HPSE2: variants seen among roughly 807,000 people sequenced by gnomAD.
The protein encoded by HPSE2 is inactive heparanase-2.
Under a neutral mutation model 60.5 loss-of-function variants are expected in HPSE2, and 38 were observed. The observed-to-expected ratio is 0.63, with a 90% CI of 0.48 to 0.82. The LOEUF (loss-of-function observed/expected upper bound fraction) is 0.82. Ranked by LOEUF, HPSE2 falls within the 40% of genes least tolerant of loss-of-function variation. The pLI is 0.00. For missense variants in HPSE2, 713 were observed against 740.4 expected, an observed-to-expected ratio of 0.96 and a Z score of 0.43; for synonymous variants, 295 against 293.2, an observed-to-expected ratio of 1.01 and a Z score of -0.06.
At chr10:99,252,750 G>A in the HPSE2 span, among the ~76,000 whole-genome samples, 515 of 152,020 alleles carry the variant, frequency 3.4e-3, 1 homozygote, top group African/African-American at 0.011. Context: ...GGTGGCGGGC[G>A]CCTGTAGTCC....
At chr10:99,147,919 T>A (rs1179755266) in intron 2 of HPSE2, among the ~76,000 whole-genome samples, 2 of 152,150 alleles carry the variant, frequency 1.3e-5, no homozygotes, top group Non-Finnish European at 2.9e-5. Flanking sequence ...GGTAAAGACA[T>A]GAACACAAAT....
chr10:98,863,896 C>T (rs550169500), intron 3 of HPSE2, among the ~76,000 whole-genome samples: 1 of 151,976 alleles, frequency 6.6e-6, no homozygotes, highest in Non-Finnish European at 1.5e-5. Context: ...TTATTATTCA[C>T]CATCATCATA....
intron 6 of HPSE2, among the ~76,000 whole-genome samples, chr10:98,655,480 C>A (rs1320684770): frequency 1.3e-5 from 2 of 152,180 alleles, no homozygotes; most frequent in Non-Finnish European, 2.9e-5. Flanking sequence ...TTGGTGGTAA[C>A]TGTGGATTCA....
chr10:99,308,887 T>C, the HPSE2 span, among the ~76,000 whole-genome samples: 1 of 152,224 alleles, frequency 6.6e-6, no homozygotes, highest in Non-Finnish European at 1.5e-5. Context: ...ATGAGTCAGA[T>C]GATGCTGATG....
At chr10:99,287,658 CT>C in the HPSE2 span, among the ~76,000 whole-genome samples, 1 of 152,182 alleles carries the variant, frequency 6.6e-6, no homozygotes, top group African/African-American at 2.4e-5. Flanking sequence ...ATCACACCAA[CT>C]TCAAACATTT....
intron 6 of HPSE2, among the ~76,000 whole-genome samples, chr10:98,662,198 G>A (rs1176604830): frequency 1.3e-5 from 2 of 152,098 alleles, no homozygotes; most frequent in Non-Finnish European, 2.9e-5. Context: ...TGGCCAAAAT[G>A]GAAGGAATCT....
At chr10:98,956,769 T>C (rs976343817) in intron 3 of HPSE2, among the ~76,000 whole-genome samples, 12 of 149,150 alleles carry the variant, frequency 8.0e-5, no homozygotes, top group African/African-American at 3.0e-4. Flanking sequence ...TTGGAAAATA[T>C]AGTTGCTCAG....
intron 3 of HPSE2, among the ~76,000 whole-genome samples, chr10:98,849,744 G>A (rs1190158310): frequency 6.6e-6 from 1 of 152,086 alleles, no homozygotes; most frequent in Non-Finnish European, 1.5e-5. Flanking sequence ...CCCTATTTAA[G>A]CTCCTCGATT....
At chr10:99,285,275 A>G in the HPSE2 span, among the ~76,000 whole-genome samples, 1 of 150,202 alleles carries the variant, frequency 6.7e-6, no homozygotes, top group African/African-American at 2.5e-5. Context: ...CAAAAAAAGG[A>G]AAAAAAAATT....
intron 3 of HPSE2, chr10:98,924,514 A>G (rs2135078238): frequency 6.6e-6 from 1 of 152,314 alleles, no homozygotes; most frequent in East Asian, 1.9e-4. Flanking sequence ...GAAAAATAGG[A>G]AGGACTTTGC....
At chr10:98,865,540 A>T (rs894581777) in intron 3 of HPSE2, among the ~76,000 whole-genome samples, 9 of 152,078 alleles carry the variant, frequency 5.9e-5, no homozygotes, top group African/African-American at 2.2e-4. Context: ...CCTTGACTTG[A>T]GGAGATAGAG....
intron 9 of HPSE2, among the ~76,000 whole-genome samples, chr10:98,575,937 C>T (rs1000963341): frequency 6.6e-6 from 1 of 152,126 alleles, no homozygotes; most frequent in East Asian, 1.9e-4. Flanking sequence ...GAATTTCACT[C>T]ATCTTGTGTG....
intron 9 of HPSE2, among the ~76,000 whole-genome samples, chr10:98,551,679 C>T (rs553087151): frequency 6.6e-6 from 1 of 152,294 alleles, no homozygotes; most frequent in East Asian, 1.9e-4. Flanking sequence ...ATTTCCTACC[C>T]TTTCTTGGTT....
rs77031253 is a variant in HPSE2 at position 98,473,313 on chromosome 10, C to T, written c.1613+9323G>A. On this transcript the variant is annotated intron_variant, in intron 11 of 11. Transcript: ENST00000370552. ...CAGCCTGACCAACATGGTGAAACCC[C>T]GTCTCTACTAAAAATACAAAAATTA... 9.2e-3 allele frequency among the ~76,000 whole-genome samples: 1,392 copies of T among 151,656 alleles called. 20 individuals carry two copies. The highest frequency in any genetic ancestry group is 0.026 in the African/African-American group (1,057 of 41,350).
intron 2 of HPSE2, among the ~76,000 whole-genome samples, chr10:99,176,984 A>C (rs1370353941): frequency 1.3e-5 from 2 of 152,230 alleles, no homozygotes; most frequent in Admixed American, 6.5e-5. Flanking sequence ...CTAAAAGAAA[A>C]GAATTTTCAA....
At chr10:98,913,715 G>A (rs1954042414) in intron 3 of HPSE2, among the ~76,000 whole-genome samples, 1 of 152,146 alleles carries the variant, frequency 6.6e-6, no homozygotes, top group African/African-American at 2.4e-5. Flanking sequence ...TGCCCATCAT[G>A]GCTTGGAGAT....
intron 3 of HPSE2, among the ~76,000 whole-genome samples, chr10:99,059,722 C>G (rs1316979645): frequency 6.6e-6 from 1 of 151,970 alleles, no homozygotes; most frequent in Non-Finnish European, 1.5e-5. Context: ...ACAAGAGCAG[C>G]ACAAAATTTA....
intron 4 of HPSE2, among the ~76,000 whole-genome samples, chr10:98,722,066 G>C (rs1208515367): frequency 6.6e-6 from 1 of 151,258 alleles, no homozygotes; most frequent in African/African-American, 2.4e-5. Context: ...CAACACCGGA[G>C]ACCATACAGA....
intron 2 of HPSE2, among the ~76,000 whole-genome samples, chr10:99,217,334 T>C (rs1229849083): frequency 2.6e-5 from 4 of 151,678 alleles, no homozygotes; most frequent in African/African-American, 9.7e-5. Context: ...GCGATTCAAA[T>C]GCACATTAAA....
Sources: gnomAD v4.1 joint callset for allele counts (sites outside exome capture counted in the v4.1 genomes callset) on GRCh38, gnomAD v4.1.1 for gene constraint, MANE v1.5 for transcripts, NCBI Gene and HGNC (gene_info 2026-07-23, HGNC 2026-07-21) for gene names.